GALNT2: variants seen among roughly 807,000 people sequenced by gnomAD.
GALNT2 encodes the protein polypeptide N-acetylgalactosaminyltransferase 2, also known as UDP-GalNAc:polypeptide N-acetylgalactosaminyltransferase 2.
In GALNT2, 31 loss-of-function variants were observed where a neutral mutation model predicts 81.4. The ratio of observed to expected loss-of-function variants is 0.38; its 90% CI spans 0.29 to 0.51. GALNT2 has a LOEUF of 0.51. Ranked by LOEUF, GALNT2 falls within the 20% of genes least tolerant of loss-of-function variation. The pLI, the probability that GALNT2 is intolerant of heterozygous loss-of-function variation, is 0.87. For missense variants in GALNT2, 629 were observed against 765.7 expected (o/e 0.82, Z 2.11); for synonymous variants, 303 against 287.4 (o/e 1.05, Z -0.55).
At chr1:230,188,248 A>G (rs964039294) in intron 2 of GALNT2, among the ~76,000 whole-genome samples, 1 of 152,224 alleles carries the variant, frequency 6.6e-6, no homozygotes, top group East Asian at 1.9e-4. Context: ...CGTGGTCACA[A>G]AAACCCAGAT....
At chr1:230,180,101 TAG>T (rs1233780957) in intron 2 of GALNT2, among the ~76,000 whole-genome samples, 1 of 152,136 alleles carries the variant, frequency 6.6e-6, no homozygotes, top group East Asian at 1.9e-4. Flanking sequence ...GTATTTTTAG[TAG>T]AGACAGCGTT....
intron 3 of GALNT2, among the ~76,000 whole-genome samples, chr1:230,210,816 A>C (rs1287186831): frequency 6.6e-6 from 1 of 152,196 alleles, no homozygotes; most frequent in Admixed American, 6.5e-5. Context: ...GTTTACTCTC[A>C]CTGGAATGTC....
chr1:230,217,279 A>G (rs1664418479), intron 3 of GALNT2, among the ~76,000 whole-genome samples: 1 of 152,258 alleles, frequency 6.6e-6, no homozygotes, highest in Admixed American at 6.5e-5. Flanking sequence ...TCTCACTGAC[A>G]GGAAGGTGTT....
At chr1:230,120,698 G>A (rs113849308) in intron 1 of GALNT2, among the ~76,000 whole-genome samples, 101 of 152,146 alleles carry the variant, frequency 6.6e-4, no homozygotes, top group African/African-American at 2.1e-3. Flanking sequence ...CTTTCTCCTC[G>A]GCCTCTCCCC....
intron 3 of GALNT2, among the ~76,000 whole-genome samples, chr1:230,231,811 G>A (rs1664874290): frequency 6.6e-6 from 1 of 152,166 alleles, no homozygotes; most frequent in Admixed American, 6.5e-5. Context: ...TAGCACCAGA[G>A]CCTTGGACAC....
chr1:230,073,740 G>T (rs1659444446), intron 1 of GALNT2, among the ~76,000 whole-genome samples: 1 of 152,218 alleles, frequency 6.6e-6, no homozygotes, highest in South Asian at 2.1e-4. Flanking sequence ...CAAAGAAGCA[G>T]TTAAGGGCTG....
intron 6 of GALNT2, among the ~76,000 whole-genome samples, chr1:230,241,587 C>T (rs1230707327): frequency 2.0e-5 from 3 of 152,148 alleles, no homozygotes; most frequent in Non-Finnish European, 2.9e-5. Flanking sequence ...GCTGGGATTA[C>T]AGGCGCACGC....
At chr1:230,254,314 A>G (rs2102752149) in intron 10 of GALNT2, among the ~76,000 whole-genome samples, 1 of 151,074 alleles carries the variant, frequency 6.6e-6, no homozygotes, top group South Asian at 2.1e-4. Context: ...TGTGTGTTTA[A>G]GTAGGTGTGG....
At chr1:230,093,567 G>A (rs751774448) in intron 1 of GALNT2, among the ~76,000 whole-genome samples, 6 of 152,216 alleles carry the variant, frequency 3.9e-5, no homozygotes, top group East Asian at 1.9e-4. Context: ...TTGTTACGGG[G>A]AAGGTTTTCA....
chr1:230,211,165 T>A (rs1664221547), intron 3 of GALNT2, among the ~76,000 whole-genome samples: 1 of 152,034 alleles, frequency 6.6e-6, no homozygotes. Flanking sequence ...GCTGGCCTCC[T>A]GAGATTCTTG....
chr1:230,154,589 C>T (rs1662191056), intron 1 of GALNT2, among the ~76,000 whole-genome samples: 1 of 152,082 alleles, frequency 6.6e-6, no homozygotes, highest in Admixed American at 6.5e-5. Context: ...AAAATGTGGT[C>T]GTCAGCATGG....
chr1:230,143,215 C>T (rs1661804113), intron 1 of GALNT2, among the ~76,000 whole-genome samples: 1 of 152,156 alleles, frequency 6.6e-6, no homozygotes, highest in Non-Finnish European at 1.5e-5. Flanking sequence ...TCCCTGTGAG[C>T]ATCTGGGCTT....
intron 11 of GALNT2, chr1:230,258,778 T>A (rs1665793178): frequency 1.3e-5 from 2 of 152,244 alleles, no homozygotes; most frequent in South Asian, 4.1e-4. Context: ...AATATGGATA[T>A]ATGTGCTTTT....
intron 1 of GALNT2, among the ~76,000 whole-genome samples, chr1:230,081,654 G>A (rs547982307): frequency 1.3e-5 from 2 of 152,332 alleles, no homozygotes; most frequent in East Asian, 3.9e-4. Flanking sequence ...GACTAGTTCT[G>A]TCAATTAGAA....
At chr1:230,118,227 C>A (rs1184627312) in intron 1 of GALNT2, among the ~76,000 whole-genome samples, 1 of 152,180 alleles carries the variant, frequency 6.6e-6, no homozygotes, top group Non-Finnish European at 1.5e-5. Context: ...CACAGTTAAT[C>A]CATTTGCCTA....
chr1:230,250,373 G>C (rs1665505766), intron 9 of GALNT2, 84 bp from the exon 10 acceptor site: 1 of 954,552 alleles, frequency 1.0e-6, no homozygotes, highest in Admixed American at 1.9e-5. Flanking sequence ...GGGAATCAAG[G>C]CTTGGCCTTG....
intron 3 of GALNT2, among the ~76,000 whole-genome samples, chr1:230,229,017 A>G (rs1664796177): frequency 6.6e-6 from 1 of 152,228 alleles, no homozygotes; most frequent in African/African-American, 2.4e-5. Flanking sequence ...AGCATTTGTA[A>G]AAGTTTAAAC....
intron 2 of GALNT2, among the ~76,000 whole-genome samples, chr1:230,181,667 G>A (rs1370507087): frequency 6.6e-6 from 1 of 152,082 alleles, no homozygotes; most frequent in African/African-American, 2.4e-5. Context: ...TGGGATTACA[G>A]GCGTGAGCCA....
rs1382516601 is a variant in GALNT2, at chr1:230,072,904, G to C, written c.126+5498G>C. Reference sequence around the variant, plus strand: ...GTCACCCCTGCAAATGTGCCACTTGGATAGAAGGAGGCCTAGCCCCACTTC... The same window carrying C: ...GTCACCCCTGCAAATGTGCCACTTGCATAGAAGGAGGCCTAGCCCCACTTC... On this transcript the variant is annotated intron_variant, in intron 1 of 15. Transcript: ENST00000366672. 7.9e-5 allele frequency among the ~76,000 whole-genome samples: 12 copies of C among 152,200 alleles called. No homozygotes were observed. The East Asian group carries it at 2.3e-3, about 29-fold the overall frequency.
Sources: gnomAD v4.1 joint callset for allele counts (sites outside exome capture counted in the v4.1 genomes callset) on GRCh38, gnomAD v4.1.1 for gene constraint, MANE v1.5 for transcripts, NCBI Gene and HGNC (gene_info 2026-07-23, HGNC 2026-07-21) for gene names.